Variants in GRB10 observed in about 807,000 individuals in gnomAD.
GRB10 encodes the protein growth factor receptor-bound protein 10.
A neutral mutation model predicts 80.9 loss-of-function variants in GRB10; 20 were observed. The observed-to-expected ratio is 0.25, with a 90% CI of 0.17 to 0.36. GRB10 has a LOEUF of 0.36. GRB10 is among the 10% of genes least tolerant of loss of function. The probability of loss-of-function intolerance (pLI) is 1.00; values close to 1 mark genes in which losing one functional copy is unlikely to be tolerated. For synonymous variants in GRB10, 291 were observed against 291.5 expected, an observed-to-expected ratio of 1.00 and a Z score of 0.02; for missense variants, 548 against 747.7, an observed-to-expected ratio of 0.73 and a Z score of 3.12.
At chr7:50,644,027 A>G (rs2056752126) in intron 7 of GRB10, among the ~76,000 whole-genome samples, 1 of 152,140 alleles carries the variant, frequency 6.6e-6, no homozygotes, top group Non-Finnish European at 1.5e-5. Context: ...CATAGTAACG[A>G]TCACCCCAGA....
chr7:50,609,039 G>C (rs2049026097), intron 13 of GRB10, among the ~76,000 whole-genome samples: 1 of 151,454 alleles, frequency 6.6e-6, no homozygotes, highest in South Asian at 2.1e-4. Flanking sequence ...TACGTATTGG[G>C]TTAACAGAGG....
intron 4 of GRB10, among the ~76,000 whole-genome samples, chr7:50,709,477 C>G (rs1004022275): frequency 6.6e-6 from 1 of 152,140 alleles, no homozygotes; most frequent in Non-Finnish European, 1.5e-5. Flanking sequence ...CAAATGCCCC[C>G]TGGCCTCACT....
At chr7:50,617,875 C>A (rs1484369619) in intron 10 of GRB10, 196 bp downstream of exon 10, 1 of 636,590 alleles carries the variant, frequency 1.6e-6, no homozygotes. Context: ...CCCAGCTACA[C>A]ACAGATTTTC....
intron 4 of GRB10, among the ~76,000 whole-genome samples, chr7:50,728,166 A>G (rs1366276585): frequency 2.6e-5 from 4 of 151,134 alleles, no homozygotes; most frequent in Non-Finnish European, 5.9e-5. Context: ...CTATCAACAA[A>G]TTTCTTAAAG....
chr7:50,676,335 CG>C (rs3040026), intron 5 of GRB10, among the ~76,000 whole-genome samples: 32,738 of 92,314 alleles, frequency 0.35, 4,926 homozygotes, highest in Non-Finnish European at 0.43. Context: ...TCCACCCCAC[CG>C]GGGGGGGGGG....
At chr7:50,621,269 C>A (rs1348592477) in intron 8 of GRB10, among the ~76,000 whole-genome samples, 1 of 152,222 alleles carries the variant, frequency 6.6e-6, no homozygotes, top group Non-Finnish European at 1.5e-5. Flanking sequence ...TGGTCAGATC[C>A]AGGTGGACAG....
In GRB10 at chr7:50,703,867, T is replaced by C; in HGVS notation, c.93A>G (p.Ala31=). 1 of 1,613,542 alleles carries C rather than the reference T, an allele frequency of 6.2e-7. No individual in the cohort carries two copies. The highest frequency in any genetic ancestry group is 8.5e-7 in the Non-Finnish European group (1 of 1,179,584). The part of the protein sequence containing the change: ...EQTPRSQQDP[A]GPGLPAQSDR... Reference sequence around the variant, plus strand: ...CAGACTGTGCGGGGAGTCCTGGTCCTGCCGGGTCTTGTTGACTGCGAGGTG... The same window carrying C: ...CAGACTGTGCGGGGAGTCCTGGTCCCGCCGGGTCTTGTTGACTGCGAGGTG... Residue 31 remains alanine (A), a synonymous_variant, in exon 5 of 19, where the codon GCA becomes GCG. Transcript: ENST00000401949.
intron 9 of GRB10, among the ~76,000 whole-genome samples, chr7:50,618,666 G>T (rs1393256800): frequency 6.6e-6 from 1 of 152,192 alleles, no homozygotes; most frequent in African/African-American, 2.4e-5. Context: ...GAGCTAGGAG[G>T]TGCCCTCCCT....
chr7:50,705,151 C>G (rs2064860154), intron 4 of GRB10: 1 of 985,494 alleles, frequency 1.0e-6, no homozygotes, highest in Non-Finnish European at 1.2e-6. Context: ...TGGGAGCAAA[C>G]AGGTTTAGGT....
In GRB10 at chr7:50,592,590, AG is replaced by A; in HGVS notation, c.*361del. On this transcript the variant is annotated 3_prime_UTR_variant, in exon 19 of 19. Coordinates refer to ENST00000401949, the MANE Select transcript of GRB10 (RefSeq NM_001350814.2). ...TCAATACAAAAAAAGTAAACATATC[AG>A]TTTTAATTGTCAAGATTATTCCAGG... 1 of 320,696 alleles carries A rather than the reference AG, an allele frequency of 3.1e-6. No homozygotes were observed. Among genetic ancestry groups the A allele is most frequent in the Non-Finnish European group, 6.0e-6 (1 of 167,534 alleles). 19.9% of individuals were successfully genotyped at this position (320,696 alleles called of 1,614,324 possible). A position where few individuals can be genotyped will look rare whatever the true frequency, so the allele number is the denominator to read the frequency against.
chr7:50,749,994 T>TAGGATCAACTTAGGATCAACTTAGGATC, intron 3 of GRB10, among the ~76,000 whole-genome samples: 1 of 152,236 alleles, frequency 6.6e-6, no homozygotes, highest in Non-Finnish European at 1.5e-5. Flanking sequence ...GGACAGACTG[T>TAGGATCAACTTAGGATCAACTTAGGATC]AACAGCCTGT....
rs1289782159 is a variant in GRB10 at position 50,669,760 on chromosome 7, G to C, written c.466C>G (p.Pro156Ala). 6.2e-7 allele frequency: 1 copy of C among 1,613,722 alleles called. No homozygotes were observed. The highest frequency in any genetic ancestry group is 1.7e-5 in the Admixed American group (1 of 59,996). ...GCCTGGCTCGGAGGTAAAGAACCCG[G>C]CGTGAGCACAGGGGGGCTCCCAGGG... is the stretch of plus-strand genomic sequence containing the variant. ...CGPGSPPVLT[P>A]GSLPPSQAAA... Residue 156 changes from proline to alanine, a missense_variant, in exon 7 of 19, where the codon CCG becomes GCG. Around this residue, in one of 4 missense-constraint regions of GRB10, gnomAD observed 245 missense variants for 229.3 expected, o/e 1.07. Coordinates refer to ENST00000401949, the MANE Select transcript of GRB10 (RefSeq NM_001350814.2).
At chr7:50,666,952 C>A (rs991660189) in intron 7 of GRB10, among the ~76,000 whole-genome samples, 10 of 148,752 alleles carry the variant, frequency 6.7e-5, no homozygotes, top group East Asian at 2.0e-4. Context: ...AGGCAGGAGA[C>A]TGGCGTGAAC....
chr7:50,789,829 G>C (rs950232288), intron 1 of GRB10, among the ~76,000 whole-genome samples: 9 of 152,150 alleles, frequency 5.9e-5, no homozygotes, highest in African/African-American at 2.2e-4. Flanking sequence ...CTACCTCTGA[G>C]ATTATTTTTG....
intron 3 of GRB10, among the ~76,000 whole-genome samples, chr7:50,752,053 C>G (rs2074194376): frequency 6.6e-6 from 1 of 152,076 alleles, no homozygotes; most frequent in Non-Finnish European, 1.5e-5. Flanking sequence ...GATGCCTGAC[C>G]CAAGCTTCCC....
chr7:50,774,138 G>A (rs779889589), intron 2 of GRB10, among the ~76,000 whole-genome samples: 18 of 152,366 alleles, frequency 1.2e-4, no homozygotes, highest in Non-Finnish European at 1.2e-4. Flanking sequence ...CACATGAAAT[G>A]TCCTGGACAG....
Position 50,745,663 on chromosome 7 carries a change from TA to T in GRB10, c.-47+10223del, listed in dbSNP as rs2072768008. Among the ~76,000 whole-genome samples the T allele has an allele frequency of 3.3e-5, 5 of 152,160 alleles. No homozygotes were observed. The South Asian group carries it at 8.3e-4, about 25-fold the overall frequency. On this transcript the variant is annotated intron_variant, in intron 3 of 18. Transcript: ENST00000401949. The stretch of plus-strand genomic sequence containing the variant: ...AACGGCTAGAACTTTATCCGAAAAA[TA>T]AAAGATGCTCTATAAAACAGCCCTT...
At chr7:50,601,503 G>A (rs1292414636) in intron 17 of GRB10, among the ~76,000 whole-genome samples, 1 of 152,062 alleles carries the variant, frequency 6.6e-6, no homozygotes, top group Non-Finnish European at 1.5e-5. Flanking sequence ...TAACCTGCCT[G>A]GATTAATCCT....
At chr7:50,792,562 C>T (rs1003962192) in intron 1 of GRB10, 1 of 398,482 alleles carries the variant, frequency 2.5e-6, no homozygotes, top group East Asian at 3.6e-5. Context: ...GCTCTTATCA[C>T]ATTTCCACGG....
Sources: gnomAD v4.1 joint callset for allele counts (sites outside exome capture counted in the v4.1 genomes callset) on GRCh38, gnomAD v4.1.1 for gene constraint, gnomAD v4.1.1 regional missense constraint, MANE v1.5 for transcripts, NCBI Gene and HGNC (gene_info 2026-07-23, HGNC 2026-07-21) for gene names.